Variants in ZNF676 observed in about 807,000 individuals in gnomAD.
ZNF676 encodes the protein zinc finger protein 676.
ZNF676 carries 4 observed loss-of-function variants against 6.0 expected under a neutral mutation model. The observed-to-expected ratio is 0.67, with a 90% CI of 0.33 to 1.53. The LOEUF (loss-of-function observed/expected upper bound fraction) is 1.53, where lower values mean the gene tolerates loss of function less well. Among genes scored for constraint, ZNF676 ranks in the 40% most tolerant of loss-of-function variants. ZNF676 has a pLI of 0.06. For missense variants in ZNF676, 644 were observed against 679.7 expected, an observed-to-expected ratio of 0.95 and a Z score of 0.58; for synonymous variants, 198 against 223.1, an observed-to-expected ratio of 0.89 and a Z score of 1.00.
intron 2 of ZNF676, 86 bp downstream of exon 2, chr19:22,192,930 C>T (rs2023926705): frequency 7.4e-7 from 1 of 1,350,750 alleles, no homozygotes; most frequent in Non-Finnish European, 9.8e-7. Context: ...ACTTTTGGAA[C>T]ACAGCTTCCC....
chr19:22,190,389 TAC>T (rs141423477), intron 2 of ZNF676, among the ~76,000 whole-genome samples: 2,129 of 152,026 alleles, frequency 0.014, 39 homozygotes, highest in African/African-American at 0.05. Flanking sequence ...CAATGTAATC[TAC>T]ACAGTTAATG....
upstream of ZNF676, among the ~76,000 whole-genome samples, chr19:22,197,927 T>C (rs1236444122): frequency 2.0e-5 from 3 of 152,138 alleles, no homozygotes; most frequent in South Asian, 4.1e-4. Flanking sequence ...AATTTAACCA[T>C]AAGGAAACAT....
chr19:22,260,089 G>A, the ZNF676 span, among the ~76,000 whole-genome samples: 5 of 152,074 alleles, frequency 3.3e-5, no homozygotes, highest in Non-Finnish European at 5.9e-5. Context: ...TCCACACATG[G>A]CAGGGTGTCC....
chr19:22,235,713 G>A, the ZNF676 span, among the ~76,000 whole-genome samples: 12 of 152,224 alleles, frequency 7.9e-5, no homozygotes, highest in African/African-American at 2.9e-4. Flanking sequence ...TGTGATATTT[G>A]CAAAAGCAAA....
chr19:22,216,394 C>A (rs896675694), upstream of ZNF676, among the ~76,000 whole-genome samples: 7 of 152,162 alleles, frequency 4.6e-5, no homozygotes, highest in Non-Finnish European at 8.8e-5. Flanking sequence ...AGGATCAAGC[C>A]ATTGCACTGC....
At chr19:22,235,945 A>G in the ZNF676 span, among the ~76,000 whole-genome samples, 5 of 149,484 alleles carry the variant, frequency 3.3e-5, no homozygotes, top group South Asian at 4.3e-4. Context: ...ATGAAACTAC[A>G]TCTAGTATGG....
At chr19:22,214,598 C>CAA (rs71924274) in intron 1 of ZNF676, among the ~76,000 whole-genome samples, 1,027 of 86,946 alleles carry the variant, frequency 0.012, 11 homozygotes, top group African/African-American at 0.013. Context: ...GACTTGGTCT[C>CAA]AAAAAAAAAA....
intron 1 of ZNF676, among the ~76,000 whole-genome samples, chr19:22,208,985 G>A (rs2024103201): frequency 6.6e-6 from 1 of 152,040 alleles, no homozygotes; most frequent in South Asian, 2.1e-4. Flanking sequence ...CAAAATATGG[G>A]CCGGGTGCAG....
chr19:22,232,179 T>G, the ZNF676 span, among the ~76,000 whole-genome samples: 2 of 150,360 alleles, frequency 1.3e-5, no homozygotes, highest in African/African-American at 4.9e-5. Context: ...TTTCTTTTCT[T>G]TTTTTTTTAG....
the ZNF676 span, among the ~76,000 whole-genome samples, chr19:22,247,220 T>C: frequency 6.6e-6 from 1 of 152,088 alleles, no homozygotes; most frequent in Admixed American, 6.6e-5. Flanking sequence ...AAGACCTCTC[T>C]TAATAAAAAG....
chr19:22,217,901 A>G (rs1269556800), upstream of ZNF676, among the ~76,000 whole-genome samples: 1 of 151,508 alleles, frequency 6.6e-6, no homozygotes, highest in Non-Finnish European at 1.5e-5. Flanking sequence ...GTGAGGTTTT[A>G]CCATGTTGGC....
chr19:22,205,217 T>G (rs1254000177), intron 1 of ZNF676, among the ~76,000 whole-genome samples: 1 of 152,126 alleles, frequency 6.6e-6, no homozygotes, highest in African/African-American at 2.4e-5. Flanking sequence ...AATCGGGGAC[T>G]ACATCTCACA....
Position 22,180,168 on chromosome 19 carries a change from A to T in ZNF676, c.1549T>A (p.Ser517Thr). The part of the protein sequence containing the change: ...CEECGKAFSW[S>T]SILTEHKIIH... ...ATCTTATGTTCAGTAAGGATCGAGG[A>T]CCAGCTGAAGGCTTTGCCACATTCT... is the stretch of plus-strand genomic sequence containing the variant. The change falls in exon 3 of 3, where the codon TCC becomes ACC. Residue 517 changes from serine (S) to threonine (T), a missense_variant. Around this residue, in one of 5 missense-constraint regions of ZNF676, gnomAD observed 306 missense variants for 265.4 expected, o/e 1.15. Transcript: ENST00000397121. 1 of 1,613,602 alleles carries T rather than the reference A, an allele frequency of 6.2e-7. No homozygotes were observed. Among genetic ancestry groups the T allele is most frequent in the Non-Finnish European group, 8.5e-7 (1 of 1,179,884 alleles).
At chr19:22,193,160 T>C in intron 1 of ZNF676, 49 bp from the exon 2 acceptor site, 1 of 1,525,920 alleles carries the variant, frequency 6.6e-7, no homozygotes, top group Non-Finnish European at 8.8e-7. Flanking sequence ...ATTCTCCAAT[T>C]ACCAACTTAG....
At chr19:22,187,538 G>T (rs1406943574) in intron 2 of ZNF676, among the ~76,000 whole-genome samples, 1 of 149,146 alleles carries the variant, frequency 6.7e-6, no homozygotes, top group Non-Finnish European at 1.5e-5. Flanking sequence ...GAAGGAGATA[G>T]ACACAAAAAA....
At chr19:22,193,196 A>T in intron 1 of ZNF676, 85 bp from the exon 2 acceptor site, 2 of 1,325,770 alleles carry the variant, frequency 1.5e-6, no homozygotes, top group South Asian at 2.0e-5. Flanking sequence ...AGAGGATGTA[A>T]TAGAATATTC....
chr19:22,191,653 TAG>T (rs2023908457), intron 2 of ZNF676, among the ~76,000 whole-genome samples: 2 of 152,272 alleles, frequency 1.3e-5, no homozygotes, highest in East Asian at 3.9e-4. Context: ...AAACCTGCCC[TAG>T]CGTCTACCCT....
chr19:22,258,116 G>A, the ZNF676 span, among the ~76,000 whole-genome samples: 3 of 151,940 alleles, frequency 2.0e-5, no homozygotes, highest in African/African-American at 7.3e-5. Context: ...TACATCATGT[G>A]TGCTGGGCTT....
the ZNF676 span, among the ~76,000 whole-genome samples, chr19:22,236,511 C>T: frequency 6.6e-6 from 1 of 152,086 alleles, no homozygotes; most frequent in Non-Finnish European, 1.5e-5. Context: ...TGCACAGTTA[C>T]CCCATAAAAG....
Sources: allele counts gnomAD v4.1 joint callset (sites outside exome capture counted in the v4.1 genomes callset), GRCh38; gene constraint gnomAD v4.1.1; regional missense constraint gnomAD v4.1.1; transcripts MANE v1.5; gene names NCBI Gene and HGNC (gene_info 2026-07-23, HGNC 2026-07-21).